Variants in DEAF1 observed in about 807,000 individuals in gnomAD.
DEAF1 encodes deformed epidermal autoregulatory factor 1 homolog.
DEAF1 carries 53 observed loss-of-function variants against 58.9 expected under a neutral mutation model. The ratio of observed to expected loss-of-function variants is 0.90; its 90% CI spans 0.72 to 1.13. DEAF1 has a LOEUF of 1.13. DEAF1 is among the 50% of genes most tolerant of loss of function. The pLI, the probability that DEAF1 is intolerant of heterozygous loss-of-function variation, is 0.00. For synonymous variants in DEAF1, 385 were observed against 340.4 expected (o/e 1.13, Z -1.44); for missense variants, 685 against 791.4 (o/e 0.87, Z 1.61).
chr11:700,081 C>A, upstream of DEAF1: 1 of 1,446,104 alleles, frequency 6.9e-7, no homozygotes, highest in South Asian at 1.2e-5. Context: ...CCCTCTTGTT[C>A]AGCCACCTGG....
chr11:692,174 AC>A (rs1860864710), intron 1 of DEAF1: 2 of 184,120 alleles, frequency 1.1e-5, no homozygotes, highest in South Asian at 1.1e-4. Context: ...ACCCCACCGC[AC>A]CCCCTACAAC....
intron 1 of DEAF1, 29 bp from the exon 2 acceptor site, chr11:691,627 G>A (rs1860838237): frequency 1.2e-6 from 2 of 1,604,494 alleles, no homozygotes; most frequent in Admixed American, 1.7e-5. Context: ...CATTTAACAA[G>A]CAACAAAAGC....
chr11:670,005 GGCTGCAGTGAACCAAGATCAT>G (rs1859740541), intron 10 of DEAF1, among the ~76,000 whole-genome samples: 1 of 151,244 alleles, frequency 6.6e-6, no homozygotes. Context: ...GGTGGCGCAA[GGCTGCAGTGAACCAAGATCAT>G]GCCACTGCAC....
chr11:705,212 C>T (rs759287363), intron 1 of DEAF1: 23 of 164,294 alleles, frequency 1.4e-4, no homozygotes, highest in African/African-American at 3.8e-4. Context: ...CTCTTGGCCA[C>T]GCTCATTCCC....
chr11:680,121 T>C, intron 7 of DEAF1: 1 of 434,936 alleles, frequency 2.3e-6, no homozygotes, highest in Non-Finnish European at 4.2e-6. Flanking sequence ...CAGTGATTTT[T>C]AAGTACTTCG....
chr11:678,309 C>T (rs1380891030), intron 9 of DEAF1: 1 of 272,752 alleles, frequency 3.7e-6, no homozygotes, highest in Admixed American at 4.9e-5. Context: ...CTTGGTTTTT[C>T]TTTCTTTCAC....
chr11:704,933 C>T (rs972846408), intron 1 of DEAF1: 20 of 345,902 alleles, frequency 5.8e-5, no homozygotes, highest in East Asian at 5.4e-4. Flanking sequence ...GAGGGGTTGG[C>T]GTGTGTGACC....
In DEAF1 at chr11:680,891, G is replaced by A. The variant is rs889774072; in HGVS notation, c.997+72C>T. ...AAGTGAGAATCCCGCAGTGGCCGTG[G>A]GAGTGGTGACGAGAGAAGGCAATGC... On this transcript the variant is annotated intron_variant, in intron 7 of 11. Coordinates refer to ENST00000382409, the MANE Select transcript of DEAF1 (RefSeq NM_021008.4). 5.0e-6 allele frequency: 8 copies of A among 1,602,796 alleles called. No homozygotes were observed. The African/African-American group carries it at 9.4e-5, about 19-fold the overall frequency.
intron 1 of DEAF1, chr11:700,533 A>AC: frequency 8.4e-7 from 1 of 1,193,352 alleles, no homozygotes; most frequent in Non-Finnish European, 1.2e-6. Flanking sequence ...TCTCAAAAAA[A>AC]AAAAAAAGGA....
At chr11:686,725 CACAG>C (rs1564949459) in intron 5 of DEAF1, 129 bp downstream of exon 5, 32 of 1,232,162 alleles carry the variant, frequency 2.6e-5, no homozygotes, top group Middle Eastern at 2.1e-4. Context: ...CCCAAGGCCA[CACAG>C]ACAGCAGGTG....
chr11:662,559 G>A (rs1034383798), intron 10 of DEAF1, among the ~76,000 whole-genome samples: 1 of 152,148 alleles, frequency 6.6e-6, no homozygotes, highest in African/African-American at 2.4e-5. Context: ...CCAGGCTCCT[G>A]GAGGTTGCTC....
At chr11:682,408 T>C (rs1407235887) in intron 6 of DEAF1, among the ~76,000 whole-genome samples, 1 of 152,178 alleles carries the variant, frequency 6.6e-6, no homozygotes, top group Non-Finnish European at 1.5e-5. Flanking sequence ...TACAGTTTAG[T>C]TTCTTGCTCT....
chr11:694,587 TGGAGCAGGTGTGA>T (rs1861015520), intron 1 of DEAF1, 159 bp downstream of exon 1: 2 of 464,758 alleles, frequency 4.3e-6, no homozygotes, highest in Non-Finnish European at 6.4e-6. Context: ...GCGGGTCACG[TGGAGCAGGTGTGA>T]GGGGCAGGTG....
intron 10 of DEAF1, among the ~76,000 whole-genome samples, chr11:657,740 AC>A (rs1325808870): frequency 2.0e-5 from 3 of 151,924 alleles, no homozygotes; most frequent in Non-Finnish European, 4.4e-5. Context: ...CCTGTCGTCC[AC>A]CCCCACGAGA....
chr11:693,337 C>T (rs191797433), intron 1 of DEAF1, among the ~76,000 whole-genome samples: 1 of 152,182 alleles, frequency 6.6e-6, no homozygotes, highest in Non-Finnish European at 1.5e-5. Context: ...AGCCTTCCCT[C>T]ACTTTTTTTT....
chr11:706,227 G>C (rs1165651781), intron 1 of DEAF1: 4 of 152,020 alleles, frequency 2.6e-5, no homozygotes, highest in African/African-American at 9.7e-5. Context: ...GCCGAGGCGC[G>C]AACAGACGGA....
At position 694,814 on chromosome 11, in the gene DEAF1, C is replaced by T. The variant is rs2133438010; in HGVS notation, c.234G>A (p.Met78Ile). 7.0e-7 allele frequency: 1 copy of T among 1,436,076 alleles called. No individual in the cohort carries two copies. The allele number at this position is 1,436,076 out of a possible 1,614,324, so 89.0% of individuals were successfully genotyped here. A position where few individuals can be genotyped will look rare whatever the true frequency, so the allele number is the denominator to read the frequency against. The change falls in exon 1 of 12, where the codon ATG (methionine) becomes ATA (isoleucine). Residue 78 changes from methionine (M) to isoleucine (I), a missense_variant. This residue lies in a region of DEAF1 where 210 missense variants were observed against 177.3 expected (regional missense o/e 1.18). Transcript: ENST00000382409. ...VMAAEPGHMD[M>I]GAEALPGPDE... ...CGGGGCCGGGCAGGGCCTCGGCGCCCATGTCCATGTGCCCGGGCTCCGCCG... is the reference window on the plus strand; with the variant it reads ...CGGGGCCGGGCAGGGCCTCGGCGCCTATGTCCATGTGCCCGGGCTCCGCCG...
intron 10 of DEAF1, among the ~76,000 whole-genome samples, chr11:662,998 G>C (rs1284199510): frequency 6.6e-6 from 1 of 152,206 alleles, no homozygotes; most frequent in Non-Finnish European, 1.5e-5. Context: ...GCTCTGAAAG[G>C]GATGATATTT....
At position 670,946 on chromosome 11, in the gene DEAF1, T is replaced by TTTTTTTTTTTA; in HGVS notation, c.1503+3589_1503+3590insTAAAAAAAAAA. On this transcript the variant is annotated intron_variant, in intron 10 of 11. Coordinates refer to ENST00000382409, the MANE Select transcript of DEAF1 (RefSeq NM_021008.4). ...CCTGGCTAATGTTTTTTTTTTTTTT[T>TTTTTTTTTTTA]GAGACAGAGTCTCACTTTGTCACCC... Among the ~76,000 whole-genome samples the TTTTTTTTTTTA allele has an allele frequency of 3.4e-5, 5 of 145,384 alleles. 1 individual carries two copies. The highest frequency in any genetic ancestry group is 1.0e-4 in the African/African-American group (4 of 39,362).
Sources: gnomAD v4.1 joint callset for allele counts (sites outside exome capture counted in the v4.1 genomes callset) on GRCh38, gnomAD v4.1.1 for gene constraint, gnomAD v4.1.1 regional missense constraint, MANE v1.5 for transcripts, NCBI Gene and HGNC (gene_info 2026-07-23, HGNC 2026-07-21) for gene names.